The following SLC27A2 variants were observed in gnomAD, a reference collection of about 807,000 sequenced individuals.
The protein encoded by SLC27A2 is solute carrier family 27 member 2.
Under a neutral mutation model 60.0 loss-of-function variants are expected in SLC27A2, and 54 were observed. The observed-to-expected ratio is 0.90, with a 90% confidence interval of 0.72 to 1.13. The LOEUF (loss-of-function observed/expected upper bound fraction) is 1.13. SLC27A2 is among the 50% of genes most tolerant of loss of function. The pLI is 0.00. For synonymous variants in SLC27A2, 297 were observed against 297.6 expected (o/e 1.00, Z 0.02); for missense variants, 739 against 777.6 (o/e 0.95, Z 0.59).
chr15:50,227,110 T>C lies in SLC27A2; in HGVS notation c.1389T>C (p.Ser463=), dbSNP rs2045284022. The C allele has an allele frequency of 1.2e-6, 2 of 1,613,678 alleles. No individual in the cohort carries two copies. The highest frequency in any genetic ancestry group is 1.1e-5 in the South Asian group (1 of 91,072). ...AGAAAGGAGACCTCTATTTCAACAG[T>C]GGAGATCTCTTAATGGTTGACCATG... ...VFKKGDLYFN[S]GDLLMVDHEN... Residue 463 remains serine, a synonymous_variant, in exon 7 of 10, where the codon AGT becomes AGC. Coordinates refer to ENST00000267842, the MANE Select transcript of SLC27A2 (RefSeq NM_003645.4).
intron 3 of SLC27A2, among the ~76,000 whole-genome samples, chr15:50,204,258 AG>A (rs1209040600): frequency 6.6e-6 from 1 of 151,980 alleles, no homozygotes; most frequent in Admixed American, 6.6e-5. Flanking sequence ...TGAGGTCAGG[AG>A]TTTGAGACTA....
At chr15:50,233,093 T>C in intron 8 of SLC27A2, among the ~76,000 whole-genome samples, 1 of 152,214 alleles carries the variant, frequency 6.6e-6, no homozygotes, top group East Asian at 1.9e-4. Context: ...TTCCCTGATG[T>C]AGGATCTGTT....
At chr15:50,223,960 G>A (rs901281567) in intron 5 of SLC27A2, among the ~76,000 whole-genome samples, 4 of 152,214 alleles carry the variant, frequency 2.6e-5, no homozygotes, top group African/African-American at 9.7e-5. Context: ...GAGGACAGTA[G>A]TTCATGTGCG....
chr15:50,234,086 T>G (rs928780487), intron 9 of SLC27A2, 88 bp downstream of exon 9: 12 of 1,296,182 alleles, frequency 9.3e-6, no homozygotes, highest in African/African-American at 3.0e-5. Flanking sequence ...CCAGGATGAC[T>G]ACATTTGCCA....
chr15:50,196,898 G>A (rs2045027867), intron 1 of SLC27A2, among the ~76,000 whole-genome samples: 2 of 152,218 alleles, frequency 1.3e-5, no homozygotes, highest in South Asian at 2.1e-4. Context: ...TTGTTAATTA[G>A]CACGGCTCCC....
At position 50,229,859 on chromosome 15, in the gene SLC27A2, A is replaced by G. The variant is rs185545975; in HGVS notation, c.1555+817A>G. ...CCCACAACTCATATTTGGGATTCCC[A>G]CCCATATTCAAAGTAGAAATCTAAA... On this transcript the variant is annotated intron_variant, in intron 8 of 9. Coordinates refer to ENST00000267842, the MANE Select transcript of SLC27A2 (RefSeq NM_003645.4). Among the ~76,000 whole-genome samples the G allele has an allele frequency of 3.5e-4, 53 of 152,158 alleles. 1 individual carries two copies. In the East Asian group the frequency reaches 9.9e-3, roughly 28 times the overall value.
At chr15:50,231,871 CT>C (rs2045318906) in intron 8 of SLC27A2, among the ~76,000 whole-genome samples, 1 of 152,196 alleles carries the variant, frequency 6.6e-6, no homozygotes, top group South Asian at 2.1e-4. Flanking sequence ...GAGAACTCCC[CT>C]GTAACCAAAG....
At chr15:50,189,664 C>T (rs2044957686) in intron 1 of SLC27A2, among the ~76,000 whole-genome samples, 1 of 152,130 alleles carries the variant, frequency 6.6e-6, no homozygotes, top group South Asian at 2.1e-4. Context: ...TAAAAACAAA[C>T]TCTGAATCAG....
intron 8 of SLC27A2, among the ~76,000 whole-genome samples, chr15:50,230,402 G>T (rs2045309545): frequency 6.6e-6 from 1 of 151,942 alleles, no homozygotes; most frequent in Non-Finnish European, 1.5e-5. Flanking sequence ...CATTAGCCAG[G>T]GGTGGTGGCT....
At position 50,197,665 on chromosome 15, in the gene SLC27A2, CT is replaced by C. The variant is rs765646054; in HGVS notation, c.649del (p.Ser217ProfsTer20). ...CCAGAGTCATGGAGGTCTGAAGTCA[CT>C]TTTTCCACTCCTGCCTTATACATTT... ...PIPESWRSEV[T>X]FSTPALYIYT... On this transcript the variant is annotated frameshift_variant, in exon 2 of 10. Coordinates refer to ENST00000267842, the MANE Select transcript of SLC27A2 (RefSeq NM_003645.4). LOFTEE classifies it high-confidence loss of function. 1 of 1,614,032 alleles carries C rather than the reference CT, an allele frequency of 6.2e-7. No homozygotes were observed. Among genetic ancestry groups the C allele is most frequent in the South Asian group, 1.1e-5 (1 of 91,070 alleles).
At position 50,197,639 on chromosome 15, in the gene SLC27A2, C is replaced by T; in HGVS notation, c.618C>T (p.Ile206=). ...TGGATGAAGTATCAACTGAACCTAT[C>T]CCAGAGTCATGGAGGTCTGAAGTCA... ...DKVDEVSTEP[I]PESWRSEVTF... is the part of the protein sequence containing the mutation. Residue 206 remains isoleucine, a synonymous_variant, in exon 2 of 10, where the codon ATC becomes ATT. Coordinates refer to ENST00000267842, the MANE Select transcript of SLC27A2 (RefSeq NM_003645.4). The T allele has an allele frequency of 6.2e-7, 1 of 1,614,026 alleles. No homozygotes were observed. Among genetic ancestry groups the T allele is most frequent in the Non-Finnish European group, 8.5e-7 (1 of 1,179,956 alleles).
At chr15:50,221,214 G>A (rs2045239809) in intron 4 of SLC27A2, among the ~76,000 whole-genome samples, 1 of 151,872 alleles carries the variant, frequency 6.6e-6, no homozygotes. Context: ...AAGAGAGAGA[G>A]AAAATAGATT....
At chr15:50,228,524 G>C (rs183882070) in intron 7 of SLC27A2, among the ~76,000 whole-genome samples, 1 of 151,196 alleles carries the variant, frequency 6.6e-6, no homozygotes, top group East Asian at 1.9e-4. Context: ...GTTGCCGTGA[G>C]ACCCTGAAAT....
chr15:50,216,626 A>G (rs1348453102), intron 4 of SLC27A2, among the ~76,000 whole-genome samples: 1,760 of 94,608 alleles, frequency 0.019, 52 homozygotes, highest in African/African-American at 0.051. Flanking sequence ...ATATATATAT[A>G]TATATATATA....
chr15:50,219,329 T>C (rs958761731), intron 4 of SLC27A2, among the ~76,000 whole-genome samples: 3 of 152,162 alleles, frequency 2.0e-5, no homozygotes, highest in African/African-American at 7.2e-5. Flanking sequence ...TGGGAACAGG[T>C]AGATGGCGTG....
chr15:50,201,398 A>G lies in SLC27A2; in HGVS notation c.689-1089A>G, dbSNP rs147945864. 1.1e-4 allele frequency among the ~76,000 whole-genome samples: 16 copies of G among 152,362 alleles called. No homozygotes were observed. The East Asian group carries it at 2.9e-3, about 28-fold the overall frequency. On this transcript the variant is annotated intron_variant, in intron 2 of 9. Coordinates refer to ENST00000267842, the MANE Select transcript of SLC27A2 (RefSeq NM_003645.4). ...AGCATCATTTATAACAGCAAATAGT[A>G]TAAATAAATTATAATACACTTATAA...
intron 4 of SLC27A2, among the ~76,000 whole-genome samples, chr15:50,213,466 T>C (rs748443820): frequency 3.3e-5 from 5 of 152,194 alleles, no homozygotes; most frequent in Non-Finnish European, 7.3e-5. Context: ...TTAACAGATA[T>C]ATACAGAACA....
chr15:50,202,410 C>A, intron 2 of SLC27A2, 77 bp from the exon 3 acceptor site: 2 of 1,468,804 alleles, frequency 1.4e-6, no homozygotes, highest in Admixed American at 1.7e-5. Flanking sequence ...GATGAATCTT[C>A]CTAAGCCAGA....
rs1289646495 is a variant in SLC27A2, at chr15:50,196,062, A to AAAAAAT, written c.479-1433_479-1432insTAAAAA. ...GAGCCAGACTCTGTCTCAAAAAAAA[A>AAAAAAT]AAAAAAAAAAAAAAAATATATATAT... On this transcript the variant is annotated intron_variant, in intron 1 of 9. Coordinates refer to ENST00000267842, the MANE Select transcript of SLC27A2 (RefSeq NM_003645.4). Among the ~76,000 whole-genome samples, 33 of 18,072 alleles carry AAAAAAT rather than the reference A, an allele frequency of 1.8e-3. 3 individuals carry two copies. Among genetic ancestry groups the AAAAAAT allele is most frequent in the Middle Eastern group, 0.017 (1 of 58 alleles). 11.9% of individuals were successfully genotyped at this position (18,072 alleles called of 152,430 possible). A position where few individuals can be genotyped will look rare whatever the true frequency, so the allele number is the denominator to read the frequency against.
Sources: gnomAD v4.1 joint callset for allele counts (sites outside exome capture counted in the v4.1 genomes callset) on GRCh38, gnomAD v4.1.1 for gene constraint, MANE v1.5 for transcripts, NCBI Gene and HGNC (gene_info 2026-07-23, HGNC 2026-07-21) for gene names.